Variants in RAPGEF2 observed in about 807,000 individuals in gnomAD.
The protein encoded by RAPGEF2 is Rap guanine nucleotide exchange factor 2, also known as PDZ domain containing guanine nucleotide exchange factor (GEF) 1.
In RAPGEF2, 54 loss-of-function variants were observed where a neutral mutation model predicts 186.7. That is an observed-to-expected ratio of 0.29 (90% CI 0.23 to 0.36). The LOEUF (loss-of-function observed/expected upper bound fraction) is 0.36. Among genes scored for constraint, RAPGEF2 ranks in the 10% least tolerant of loss-of-function variants. The pLI, the probability that RAPGEF2 is intolerant of heterozygous loss-of-function variation, is 1.00. For missense variants in RAPGEF2, 1,532 were observed against 2,045.0 expected (o/e 0.75, Z 4.84); for synonymous variants, 712 against 705.9 (o/e 1.01, Z -0.14).
At chr4:159,251,969 C>G (rs994045137) in intron 7 of RAPGEF2, among the ~76,000 whole-genome samples, 1 of 152,060 alleles carries the variant, frequency 6.6e-6, no homozygotes, top group African/African-American at 2.4e-5. Flanking sequence ...CTGCAGCTTC[C>G]CTCCTGAAGT....
chr4:159,186,941 T>C (rs896409679), intron 2 of RAPGEF2, among the ~76,000 whole-genome samples: 1 of 152,286 alleles, frequency 6.6e-6, no homozygotes, highest in Non-Finnish European at 1.5e-5. Context: ...TTATAGCATT[T>C]GAAATCCACT....
Position 159,353,692 on chromosome 4 carries a change from C to T in RAPGEF2, c.4297C>T (p.Leu1433Phe). The T allele has an allele frequency of 6.3e-7, 1 of 1,593,520 alleles. No homozygotes were observed. Among genetic ancestry groups the T allele is most frequent in the South Asian group, 1.1e-5 (1 of 86,976 alleles). ...TIQHQRSWET[L>F]PFGHTHFDYS... ...CCAGCACCAGAGAAGCTGGGAGACTCTTCCATTCGGGCATACTCACTTTGA... is the reference window on the plus strand; with the variant it reads ...CCAGCACCAGAGAAGCTGGGAGACTTTTCCATTCGGGCATACTCACTTTGA... Residue 1433 changes from leucine to phenylalanine, a missense_variant, in exon 28 of 30, where the codon CTT becomes TTT. Physicochemically the swap from Leu to Phe is conservative, Grantham distance 22. Transcript: ENST00000691494. The surrounding 1 kb of genome is among the most constrained non-coding windows in gnomAD (Gnocchi z 4.3).
chr4:159,309,673 A>G (rs1763726694), intron 8 of RAPGEF2, among the ~76,000 whole-genome samples: 2 of 152,332 alleles, frequency 1.3e-5, no homozygotes, highest in South Asian at 2.1e-4. Flanking sequence ...TAAGTTAGTA[A>G]TACGAGACAA....
chr4:159,163,533 T>C (rs781485235), intron 1 of RAPGEF2, among the ~76,000 whole-genome samples: 11 of 152,244 alleles, frequency 7.2e-5, no homozygotes, highest in Non-Finnish European at 1.5e-4. Context: ...TCATGTGTTG[T>C]ACAAAATTTA....
intron 13 of RAPGEF2, chr4:159,330,780 G>A: frequency 3.1e-6 from 1 of 317,560 alleles, no homozygotes; most frequent in East Asian, 8.9e-5. Flanking sequence ...TGTTGGGAGT[G>A]TGTTAAAACA....
intron 1 of RAPGEF2, among the ~76,000 whole-genome samples, chr4:159,141,222 A>G (rs1469299281): frequency 1.3e-5 from 2 of 152,220 alleles, no homozygotes; most frequent in African/African-American, 2.4e-5. Context: ...TATATACTTG[A>G]ATAAAAATTT....
In RAPGEF2 at chr4:159,185,249, A is replaced by G. The variant is rs1421429699; in HGVS notation, c.70-1393A>G. Among the ~76,000 whole-genome samples, 3 of 152,184 alleles carry G rather than the reference A, an allele frequency of 2.0e-5. No individual in the cohort carries two copies. In the East Asian group the frequency reaches 5.8e-4, roughly 29 times the overall value. ...TAAAATGGTTGCAGTGACTTAGGAAAGCAGTTTGGCAGGTCCTTAAAGAGT... is the reference window on the plus strand; with the variant it reads ...TAAAATGGTTGCAGTGACTTAGGAAGGCAGTTTGGCAGGTCCTTAAAGAGT... On this transcript the variant is annotated intron_variant, in intron 1 of 29. Coordinates refer to ENST00000691494, the MANE Select transcript of RAPGEF2 (RefSeq NM_001394067.2).
intron 7 of RAPGEF2, among the ~76,000 whole-genome samples, chr4:159,277,623 T>C (rs1347917918): frequency 6.6e-6 from 1 of 152,242 alleles, no homozygotes; most frequent in South Asian, 2.1e-4. Flanking sequence ...CCATTCTAAC[T>C]GGCGTAAGAT....
chr4:159,344,039 G>A lies in RAPGEF2; in HGVS notation c.3258G>A (p.Lys1086=). ...TCTCCATGGCTCTCACTTACAGGAA[G>A]AAGAAATGGCGGAGTTTGGGGTAAG... The part of the protein sequence containing the change: ...MDPALMFRTR[K]KKWRSLGSLS... The change falls in exon 23 of 30, where the codon AAG becomes AAA. Residue 1086 remains lysine (K), a synonymous_variant. Transcript: ENST00000691494. 1 of 1,535,582 alleles carries A rather than the reference G, an allele frequency of 6.5e-7. No individual in the cohort carries two copies. Among genetic ancestry groups the A allele is most frequent in the East Asian group, 2.2e-5 (1 of 44,486 alleles).
chr4:159,237,081 C>T (rs1249596199), intron 4 of RAPGEF2, among the ~76,000 whole-genome samples: 1 of 152,140 alleles, frequency 6.6e-6, no homozygotes, highest in African/African-American at 2.4e-5. Context: ...AGTGCAGTGG[C>T]ACATTCTTGG....
In RAPGEF2 at chr4:159,358,150, T is replaced by G; in HGVS notation, c.*11T>G. On this transcript the variant is annotated 3_prime_UTR_variant, in exon 30 of 30. Transcript: ENST00000691494. ...GTTTCTGCTGTTTGAGGCACAGACT[T>G]TTCTGGAAGCAGAGCGAGCCACCTG... is the stretch of plus-strand genomic sequence containing the variant. 1 of 1,610,996 alleles carries G rather than the reference T, an allele frequency of 6.2e-7. No homozygotes were observed. The highest frequency in any genetic ancestry group is 8.5e-7 in the Non-Finnish European group (1 of 1,178,612).
chr4:159,144,588 C>T lies in RAPGEF2; in HGVS notation c.69+40357C>T, dbSNP rs113695646. On this transcript the variant is annotated intron_variant, in intron 1 of 29. Transcript: ENST00000691494. ...ATTTTTAATCATTTTAGGTACTTTG[C>T]AGTCATTCGTTCTCATCACATGTTT... Among the ~76,000 whole-genome samples the T allele has an allele frequency of 1.4e-4, 21 of 152,242 alleles. No homozygotes were observed. The South Asian group carries it at 4.3e-3, about 32-fold the overall frequency.
In RAPGEF2 at chr4:159,186,646, T is replaced by TG; in HGVS notation, c.76dup (p.Glu26GlyfsTer22). ...CTATTCTTTTCTTTGAAACAGGATCTGGAAATAGTATATTCCTATTTACAT... is the reference window on the plus strand; with the variant it reads ...CTATTCTTTTCTTTGAAACAGGATCTGGGAAATAGTATATTCCTATTTACAT... On this transcript the variant is annotated frameshift_variant, in exon 2 of 30. Coordinates refer to ENST00000691494, the MANE Select transcript of RAPGEF2 (RefSeq NM_001394067.2). LOFTEE classifies it high-confidence loss of function. The TG allele has an allele frequency of 7.0e-7, 1 of 1,429,776 alleles. No homozygotes were observed. Among genetic ancestry groups the TG allele is most frequent in the Non-Finnish European group, 9.3e-7 (1 of 1,074,700 alleles). The allele number at this position is 1,429,776 out of a possible 1,614,324, so 88.6% of individuals were successfully genotyped here. A position where few individuals can be genotyped will look rare whatever the true frequency, so the allele number is the denominator to read the frequency against.
intron 8 of RAPGEF2, among the ~76,000 whole-genome samples, chr4:159,312,804 T>C (rs936558610): frequency 3.9e-5 from 6 of 152,252 alleles, no homozygotes; most frequent in Non-Finnish European, 7.3e-5. Flanking sequence ...TTAAATCTTA[T>C]GTTCTGTGAT....
chr4:159,286,426 CCTT>C (rs1230328949), intron 7 of RAPGEF2, among the ~76,000 whole-genome samples: 12 of 152,054 alleles, frequency 7.9e-5, no homozygotes, highest in African/African-American at 2.7e-4. Flanking sequence ...TCTCATCTGC[CCTT>C]CTTCTGCATG....
chr4:159,271,066 G>A (rs548106665), intron 7 of RAPGEF2, among the ~76,000 whole-genome samples: 1 of 152,230 alleles, frequency 6.6e-6, no homozygotes, highest in Admixed American at 6.5e-5. Flanking sequence ...TTAATAGATG[G>A]TAGATGAAAA....
At chr4:159,348,223 G>A (rs1467765583) in intron 25 of RAPGEF2, among the ~76,000 whole-genome samples, 1 of 114,090 alleles carries the variant, frequency 8.8e-6, no homozygotes, top group African/African-American at 3.6e-5. Flanking sequence ...TCTGTCGATA[G>A]ATAGATAGAT....
chr4:159,133,918 C>T (rs1366320533), intron 1 of RAPGEF2, among the ~76,000 whole-genome samples: 1 of 152,010 alleles, frequency 6.6e-6, no homozygotes, highest in Non-Finnish European at 1.5e-5. Context: ...GGGGTTTCAC[C>T]ATGTTGGCCA....
At chr4:159,264,628 G>A (rs527812126) in intron 7 of RAPGEF2, among the ~76,000 whole-genome samples, 2 of 152,094 alleles carry the variant, frequency 1.3e-5, no homozygotes, top group Admixed American at 6.5e-5. Context: ...ACATTATTAA[G>A]TGTAAAAGGC....
Sources: gnomAD v4.1 joint callset for allele counts (sites outside exome capture counted in the v4.1 genomes callset) on GRCh38, gnomAD v4.1.1 for gene constraint, Gnocchi (gnomAD v3.1) non-coding constraint, MANE v1.5 for transcripts, NCBI Gene and HGNC (gene_info 2026-07-23, HGNC 2026-07-21) for gene names.